The following ADAM12 variants were observed in gnomAD, a reference collection of about 807,000 sequenced individuals.
ADAM12 encodes the protein disintegrin and metalloproteinase domain-containing protein 12.
ADAM12 carries 70 observed loss-of-function variants against 106.4 expected under a neutral mutation model. The observed-to-expected ratio is 0.66, with a 90% confidence interval of 0.54 to 0.80. The LOEUF (loss-of-function observed/expected upper bound fraction) is 0.80, where lower values mean the gene tolerates loss of function less well. ADAM12 is among the 30% of genes least tolerant of loss of function. The pLI is 0.00. For missense variants in ADAM12, 1,010 were observed against 1,171.9 expected (o/e 0.86, Z 2.02); for synonymous variants, 420 against 433.5 (o/e 0.97, Z 0.39).
intron 5 of ADAM12, among the ~76,000 whole-genome samples, chr10:126,127,875 G>C (rs1194520049): frequency 6.6e-6 from 1 of 152,154 alleles, no homozygotes; most frequent in African/African-American, 2.4e-5. Context: ...AGGGAGGGCA[G>C]GGAGTAGTGT....
chr10:126,388,179 C>A lies in ADAM12; in HGVS notation c.-34G>T. The A allele has an allele frequency of 8.3e-7, 1 of 1,203,388 alleles. No homozygotes were observed. Among genetic ancestry groups the A allele is most frequent in the Non-Finnish European group, 1.0e-6 (1 of 969,564 alleles). 74.5% of individuals were successfully genotyped at this position (1,203,388 alleles called of 1,614,324 possible). The stretch of plus-strand genomic sequence containing the variant: ...GCCTTCAGTGCAGCAGCTCTCGGGC[C>A]CGGCGGCGAGCGCTGCACCATCCCA... On this transcript the variant is annotated 5_prime_UTR_variant, in exon 1 of 23. Transcript: ENST00000448723. The surrounding 1 kb of genome is among the most constrained non-coding windows in gnomAD (Gnocchi z 4.4).
intron 2 of ADAM12, among the ~76,000 whole-genome samples, chr10:126,287,502 G>A (rs1486188815): frequency 6.6e-6 from 1 of 152,134 alleles, no homozygotes. Context: ...CAGAATTCCT[G>A]AGCTTAGTGA....
intron 11 of ADAM12, among the ~76,000 whole-genome samples, chr10:126,089,216 G>A (rs1041200796): frequency 7.2e-5 from 11 of 152,188 alleles, no homozygotes; most frequent in African/African-American, 2.7e-4. Context: ...ATGTGAATGT[G>A]CTCCTTGGTG....
rs1159114270 is a variant in ADAM12, at chr10:126,255,299, T to C, written c.260+23616A>G. 3.3e-5 allele frequency among the ~76,000 whole-genome samples: 5 copies of C among 152,316 alleles called. No homozygotes were observed. In the Middle Eastern group the frequency reaches 0.014, roughly 414 times the overall value. ...AACTGAACAGACTCAGGTTTTGACT[T>C]ACTTTGGGAAGTAAGAAACTGCTCC... On this transcript the variant is annotated intron_variant, in intron 3 of 22. Transcript: ENST00000448723.
Position 126,313,181 on chromosome 10 carries a change from G to A in ADAM12, c.186+17231C>T, listed in dbSNP as rs560395067. ...ACCCTAGTATGCCTGGCAAGTCAGC[G>A]CTGGCTGTCGGCTTTCCATATGGTA... On this transcript the variant is annotated intron_variant, in intron 2 of 22. Transcript: ENST00000448723. Among the ~76,000 whole-genome samples, 5 of 152,278 alleles carry A rather than the reference G, an allele frequency of 3.3e-5. No homozygotes were observed. In the East Asian group the frequency reaches 7.7e-4, roughly 24 times the overall value.
chr10:126,205,791 T>C (rs1007419636), intron 3 of ADAM12, among the ~76,000 whole-genome samples: 1 of 152,268 alleles, frequency 6.6e-6, no homozygotes, highest in Non-Finnish European at 1.5e-5. Context: ...AACATGTTAC[T>C]GTCTGTGAAA....
intron 1 of ADAM12, among the ~76,000 whole-genome samples, chr10:126,368,638 T>C (rs1348157410): frequency 7.0e-6 from 1 of 143,334 alleles, no homozygotes; most frequent in East Asian, 2.1e-4. Flanking sequence ...ATCAGCCTGA[T>C]GTAAGTTTGT....
At chr10:126,378,302 C>T (rs949553279) in intron 1 of ADAM12, among the ~76,000 whole-genome samples, 1 of 152,096 alleles carries the variant, frequency 6.6e-6, no homozygotes, top group Non-Finnish European at 1.5e-5. Context: ...TAATAGGTTC[C>T]CTAGAGCTTA....
chr10:126,284,186 AG>A (rs1959729608), intron 2 of ADAM12, among the ~76,000 whole-genome samples: 1 of 151,970 alleles, frequency 6.6e-6, no homozygotes, highest in African/African-American at 2.4e-5. Context: ...TACAAAAATT[AG>A]CTGGGTATGG....
chr10:126,323,412 T>C (rs551235684), intron 2 of ADAM12, among the ~76,000 whole-genome samples: 1 of 152,258 alleles, frequency 6.6e-6, no homozygotes, highest in African/African-American at 2.4e-5. Context: ...AGCACTAAAG[T>C]GAAGAAGGTA....
chr10:126,085,662 A>G (rs1278357), intron 11 of ADAM12, among the ~76,000 whole-genome samples: 106,402 of 151,578 alleles, frequency 0.7, 37,832 homozygotes, highest in East Asian at 0.82. Flanking sequence ...CTGTCTGTCC[A>G]TCCGTCCATC....
chr10:126,268,822 A>C (rs1460723775), intron 3 of ADAM12, among the ~76,000 whole-genome samples: 1 of 152,206 alleles, frequency 6.6e-6, no homozygotes, highest in East Asian at 1.9e-4. Flanking sequence ...ATCTGTGTTT[A>C]TGAACTCAGC....
intron 5 of ADAM12, among the ~76,000 whole-genome samples, chr10:126,129,604 C>A (rs1051242957): frequency 6.6e-6 from 1 of 152,174 alleles, no homozygotes; most frequent in Non-Finnish European, 1.5e-5. Flanking sequence ...AATTGGGAAC[C>A]AGAATGTAAA....
In ADAM12 at chr10:126,071,689, G is replaced by T. The variant is rs935778561; in HGVS notation, c.1146-35C>A. The T allele has an allele frequency of 2.5e-6, 4 of 1,605,988 alleles. No individual in the cohort carries two copies. In the East Asian group the frequency reaches 6.7e-5, roughly 27 times the overall value. On this transcript the variant is annotated intron_variant, in intron 11 of 22. Coordinates refer to ENST00000448723, the MANE Select transcript of ADAM12 (RefSeq NM_001288973.2). The stretch of plus-strand genomic sequence containing the variant: ...GAGAGCCCAGAACAGTAAGTCACAG[G>T]GCATGGAATGGCTTTGTCTGCCCTT...
chr10:126,371,012 A>C (rs962018532), intron 1 of ADAM12, among the ~76,000 whole-genome samples: 1 of 152,194 alleles, frequency 6.6e-6, no homozygotes, highest in African/African-American at 2.4e-5. Context: ...CATCACTATT[A>C]GTTATTCGTG....
intron 18 of ADAM12, among the ~76,000 whole-genome samples, chr10:126,040,953 G>A (rs1017623159): frequency 1.2e-4 from 19 of 152,038 alleles, no homozygotes; most frequent in Admixed American, 7.9e-4. Flanking sequence ...GGCCCAGTCC[G>A]CACTCTAGAA....
chr10:126,250,198 AC>A (rs1958717896), intron 3 of ADAM12, among the ~76,000 whole-genome samples: 1 of 152,182 alleles, frequency 6.6e-6, no homozygotes, highest in Admixed American at 6.5e-5. Context: ...GAGTATATAA[AC>A]AGGGACTCAA....
intron 3 of ADAM12, among the ~76,000 whole-genome samples, chr10:126,224,259 T>C (rs548115175): frequency 1.3e-5 from 2 of 152,210 alleles, no homozygotes; most frequent in Admixed American, 6.5e-5. Context: ...GCTCCTCCAT[T>C]CTTAGACAGG....
intron 3 of ADAM12, among the ~76,000 whole-genome samples, chr10:126,173,519 G>C (rs1213162053): frequency 3.9e-5 from 6 of 152,098 alleles, no homozygotes; most frequent in Non-Finnish European, 5.9e-5. Flanking sequence ...AACCAAAACT[G>C]TCCCCAGACA....
Sources: gnomAD v4.1 joint callset for allele counts (sites outside exome capture counted in the v4.1 genomes callset) on GRCh38, gnomAD v4.1.1 for gene constraint, Gnocchi (gnomAD v3.1) non-coding constraint, MANE v1.5 for transcripts, NCBI Gene and HGNC (gene_info 2026-07-23, HGNC 2026-07-21) for gene names.